The following GGA2 variants were observed in gnomAD, a reference collection of about 807,000 sequenced individuals.
The protein encoded by GGA2 is golgi associated, gamma adaptin ear containing, ARF binding protein 2, also known as ADP-ribosylation factor-binding protein GGA2.
A neutral mutation model predicts 79.5 loss-of-function variants in GGA2; 48 were observed. The ratio of observed to expected loss-of-function variants is 0.60; its 90% CI spans 0.48 to 0.77. The LOEUF is 0.77. Ranked by LOEUF, GGA2 falls within the 30% of genes least tolerant of loss-of-function variation. The probability of loss-of-function intolerance (pLI) is 0.00; values close to 1 mark genes in which losing one functional copy is unlikely to be tolerated. For synonymous variants in GGA2, 317 were observed against 302.0 expected, an observed-to-expected ratio of 1.05 and a Z score of -0.51; for missense variants, 770 against 774.0, an observed-to-expected ratio of 0.99 and a Z score of 0.06.
intron 1 of GGA2, among the ~76,000 whole-genome samples, chr16:23,520,902 G>A (rs1258207289): frequency 6.6e-6 from 1 of 152,010 alleles, no homozygotes; most frequent in Non-Finnish European, 1.5e-5. Flanking sequence ...AGTAATTCCT[G>A]TGCCTCAGCC....
intron 16 of GGA2, 78 bp downstream of exon 16, chr16:23,468,806 CCT>C (rs924919396): frequency 1.3e-6 from 1 of 789,512 alleles, no homozygotes; most frequent in Non-Finnish European, 2.3e-6. Flanking sequence ...CCTCAATGTG[CCT>C]CTCTCTACCC....
At chr16:23,470,774 A>C (rs1405334869) in intron 14 of GGA2, among the ~76,000 whole-genome samples, 1 of 151,924 alleles carries the variant, frequency 6.6e-6, no homozygotes, top group Non-Finnish European at 1.5e-5. Context: ...CAAAAAACAA[A>C]AAGCCACACA....
At chr16:23,494,473 G>C (rs938362713) in intron 2 of GGA2, 95 bp from the exon 3 acceptor site, 14 of 857,872 alleles carry the variant, frequency 1.6e-5, no homozygotes, top group South Asian at 4.0e-5. Context: ...TTCTTCCAGG[G>C]GCTGGTGTCC....
chr16:23,495,816 GGAA>G (rs763495725), intron 1 of GGA2, 38 bp from the exon 2 acceptor site: 1 of 1,408,210 alleles, frequency 7.1e-7, no homozygotes, highest in Non-Finnish European at 1.0e-6. Flanking sequence ...GTACATAATA[GGAA>G]GAAATTTACA....
intron 13 of GGA2, 86 bp downstream of exon 13, chr16:23,478,282 G>T: frequency 4.2e-6 from 4 of 956,482 alleles, no homozygotes; most frequent in South Asian, 4.1e-5. Flanking sequence ...GGCTGTCTTA[G>T]AGCACCATTC....
chr16:23,511,502 CTT>C (rs561839917), upstream of GGA2, among the ~76,000 whole-genome samples: 5 of 129,386 alleles, frequency 3.9e-5, no homozygotes, highest in Non-Finnish European at 3.4e-5. Flanking sequence ...TCCTGGAACA[CTT>C]TTTTTTTTTT....
At position 23,493,502 on chromosome 16, in the gene GGA2, G is replaced by A. The variant is rs757821082; in HGVS notation, c.253-44C>T. ...CCCAGGAGAAGGTGGAAAGCCAGTG[G>A]TCCCAGGCTCCCCTCCAGGCTGGTA... On this transcript the variant is annotated intron_variant, in intron 3 of 16. Transcript: ENST00000309859. 4.8e-6 allele frequency: 6 copies of A among 1,239,086 alleles called. No individual in the cohort carries two copies. The Admixed American group carries it at 1.0e-4, about 21-fold the overall frequency. The allele number at this position is 1,239,086 out of a possible 1,614,324, so 76.8% of individuals were successfully genotyped here.
At position 23,465,569 on chromosome 16, in the gene GGA2, C is replaced by A. The variant is rs1374893998; in HGVS notation, c.*2021G>T. On this transcript the variant is annotated 3_prime_UTR_variant, in exon 17 of 17. Transcript: ENST00000309859. ...TATAAGTCTCATTCACCCATTTTGACCAAAACCCTTCAGAGGGAGATGCTG... is the reference window on the plus strand; with the variant it reads ...TATAAGTCTCATTCACCCATTTTGAACAAAACCCTTCAGAGGGAGATGCTG... 3 of 616,174 alleles carry A rather than the reference C, an allele frequency of 4.9e-6. No homozygotes were observed. Among genetic ancestry groups the A allele is most frequent in the South Asian group, 1.9e-5 (1 of 52,112 alleles). 38.2% of individuals were successfully genotyped at this position (616,174 alleles called of 1,614,324 possible).
chr16:23,472,655 C>CT (rs1476694906), intron 14 of GGA2, among the ~76,000 whole-genome samples: 2 of 151,442 alleles, frequency 1.3e-5, no homozygotes, highest in Non-Finnish European at 2.9e-5. Context: ...TTGTAGTAAG[C>CT]TGAGATGGCG....
chr16:23,484,121 C>T (rs1964683252), intron 8 of GGA2, among the ~76,000 whole-genome samples: 1 of 151,316 alleles, frequency 6.6e-6, no homozygotes, highest in Non-Finnish European at 1.5e-5. Flanking sequence ...AACCCTGTCT[C>T]TACTGGCCAG....
Position 23,467,401 on chromosome 16 carries a change from C to CACACACAT in GGA2, c.*188_*189insATGTGTGT. 3.7e-6 allele frequency: 2 copies of CACACACAT among 547,600 alleles called. No individual in the cohort carries two copies. The highest frequency in any genetic ancestry group is 5.9e-5 in the Admixed American group (2 of 33,980). 33.9% of individuals were successfully genotyped at this position (547,600 alleles called of 1,614,324 possible). On this transcript the variant is annotated 3_prime_UTR_variant, in exon 17 of 17. Transcript: ENST00000309859. ...CCCTCTCCCCGAACACACACACACA[C>CACACACAT]ACACACACACACACACACACACACA...
At position 23,503,233 on chromosome 16, in the gene GGA2, C is replaced by G. The variant is rs1964939247; in HGVS notation, c.91+7088G>C. Among the ~76,000 whole-genome samples the G allele has an allele frequency of 1.3e-5, 2 of 152,118 alleles. 1 individual carries two copies. Among genetic ancestry groups the G allele is most frequent in the South Asian group, 4.2e-4 (2 of 4,816 alleles). ...TCCTCCTCCAACCATAGTCTATAGC[C>G]CTTTATACGTAATTGAATATTTTCA... On this transcript the variant is annotated intron_variant, in intron 1 of 16. Coordinates refer to ENST00000309859, the MANE Select transcript of GGA2 (RefSeq NM_015044.4).
At chr16:23,486,203 A>G in intron 7 of GGA2, 51 bp from the exon 8 acceptor site, 2 of 1,547,162 alleles carry the variant, frequency 1.3e-6, no homozygotes. Flanking sequence ...ACCCTGGCTG[A>G]AGCCTGAACA....
chr16:23,481,786 G>A (rs1194124406), intron 9 of GGA2, among the ~76,000 whole-genome samples: 1 of 152,096 alleles, frequency 6.6e-6, no homozygotes, highest in African/African-American at 2.4e-5. Context: ...TCAAAAAAAA[G>A]GAAAAAGGAT....
chr16:23,493,866 C>A, intron 3 of GGA2: 1 of 296,818 alleles, frequency 3.4e-6, no homozygotes, highest in Non-Finnish European at 6.4e-6. Flanking sequence ...CCCCTCCTCT[C>A]GTCCATACTG....
At position 23,474,899 on chromosome 16, in the gene GGA2, C is replaced by T; in HGVS notation, c.1450+5G>A. 6.2e-7 allele frequency: 1 copy of T among 1,600,520 alleles called. No individual in the cohort carries two copies. Among genetic ancestry groups the T allele is most frequent in the Non-Finnish European group, 8.6e-7 (1 of 1,168,490 alleles). On this transcript the variant is annotated splice_donor_5th_base_variant and intron_variant, in intron 14 of 16. Coordinates refer to ENST00000309859, the MANE Select transcript of GGA2 (RefSeq NM_015044.4). ...AAAAAAGGTGGGGAGTGAAATTGTACTTACTGGGCTTAACAGACTCCAAAG... is the reference window on the plus strand; with the variant it reads ...AAAAAAGGTGGGGAGTGAAATTGTATTTACTGGGCTTAACAGACTCCAAAG...
At chr16:23,483,790 G>T (rs1187815507) in intron 8 of GGA2, among the ~76,000 whole-genome samples, 1 of 151,860 alleles carries the variant, frequency 6.6e-6, no homozygotes, top group Non-Finnish European at 1.5e-5. Flanking sequence ...CGGGATTACA[G>T]GCATGCGCCA....
chr16:23,465,258 T>G lies in GGA2; in HGVS notation c.*2332A>C. The G allele has an allele frequency of 1.5e-6, 1 of 686,376 alleles. No homozygotes were observed. Among genetic ancestry groups the G allele is most frequent in the South Asian group, 1.5e-5 (1 of 64,784 alleles). The allele number at this position is 686,376 out of a possible 1,614,324, so 42.5% of individuals were successfully genotyped here. On this transcript the variant is annotated 3_prime_UTR_variant, in exon 17 of 17. Transcript: ENST00000309859. ...ACTCAGCCTCCCAAAATGCTGGGAT[T>G]ATAGGCGTGAGCCACTGTGCACAGC...
intron 2 of GGA2, chr16:23,495,483 CAG>C (rs1964843335): frequency 5.5e-6 from 2 of 362,360 alleles, no homozygotes; most frequent in African/African-American, 2.1e-5. Context: ...TTTTTTGAGA[CAG>C]AGTCTCTCAC....
Sources: allele counts gnomAD v4.1 joint callset (sites outside exome capture counted in the v4.1 genomes callset), GRCh38; gene constraint gnomAD v4.1.1; transcripts MANE v1.5; gene names NCBI Gene and HGNC (gene_info 2026-07-23, HGNC 2026-07-21).